Variants in FSTL4 observed in about 807,000 individuals in gnomAD.
FSTL4 encodes follistatin-related protein 4.
In FSTL4, 28 loss-of-function variants were observed where a neutral mutation model predicts 78.2. The observed-to-expected ratio is 0.36, with a 90% CI of 0.27 to 0.49. The LOEUF is 0.49. Ranked by LOEUF, FSTL4 falls within the 20% of genes least tolerant of loss-of-function variation. The pLI is 0.98. For missense variants in FSTL4, 922 were observed against 1,084.9 expected, an observed-to-expected ratio of 0.85 and a Z score of 2.11; for synonymous variants, 422 against 440.5, an observed-to-expected ratio of 0.96 and a Z score of 0.53.
intron 3 of FSTL4, chr5:133,427,497 G>A (rs1406977264): frequency 4.7e-6 from 2 of 421,602 alleles, no homozygotes; most frequent in Non-Finnish European, 1.0e-5. Flanking sequence ...GTGAGTGAGT[G>A]TGTGTTGCGG....
chr5:133,717,728 C>T, the FSTL4 span, among the ~76,000 whole-genome samples: 5 of 152,184 alleles, frequency 3.3e-5, no homozygotes, highest in Admixed American at 1.3e-4. Flanking sequence ...TTTTAAGTGT[C>T]GTCCATGTCA....
At chr5:133,799,064 T>G in the FSTL4 span, among the ~76,000 whole-genome samples, 189 of 111,178 alleles carry the variant, frequency 1.7e-3, no homozygotes, top group Admixed American at 2.1e-3. Context: ...GGAAAGGAGG[T>G]GGGGAGGAAA....
chr5:133,439,454 T>C (rs1478264207), intron 3 of FSTL4, among the ~76,000 whole-genome samples: 1 of 152,162 alleles, frequency 6.6e-6, no homozygotes, highest in Non-Finnish European at 1.5e-5. Context: ...AAATTTTTCA[T>C]TCTGTTGTTG....
chr5:133,807,010 C>A, the FSTL4 span, among the ~76,000 whole-genome samples: 1 of 152,036 alleles, frequency 6.6e-6, no homozygotes, highest in Non-Finnish European at 1.5e-5. Context: ...CTGTCAATCA[C>A]GCCCACATGC....
At chr5:133,309,378 A>G (rs1433152935) in intron 6 of FSTL4, among the ~76,000 whole-genome samples, 1 of 152,142 alleles carries the variant, frequency 6.6e-6, no homozygotes, top group Non-Finnish European at 1.5e-5. Context: ...AAGTGGGGGC[A>G]CCCTCATATT....
At chr5:133,449,596 G>A (rs535246213) in intron 3 of FSTL4, among the ~76,000 whole-genome samples, 4 of 152,322 alleles carry the variant, frequency 2.6e-5, no homozygotes, top group Admixed American at 2.0e-4. Flanking sequence ...GTGACTGAAA[G>A]GGCGGATTAC....
chr5:133,509,500 A>T (rs944376681), intron 3 of FSTL4, among the ~76,000 whole-genome samples: 36 of 152,186 alleles, frequency 2.4e-4, no homozygotes, highest in African/African-American at 8.7e-4. Context: ...CAGAGAAGCA[A>T]ATCACTCAGC....
intron 3 of FSTL4, among the ~76,000 whole-genome samples, chr5:133,434,105 G>A (rs1435152359): frequency 6.6e-6 from 1 of 152,048 alleles, no homozygotes; most frequent in East Asian, 1.9e-4. Flanking sequence ...GGGGAGGGAG[G>A]GAGACCAATG....
chr5:133,612,016 G>C lies in FSTL4; in HGVS notation c.-11+309C>G, dbSNP rs1761107988. ...CGAGCGCTTCTGCGTGGCGCCCCGC[G>C]TGCCAACCGGGTCACTCCGGTCCCC... On this transcript the variant is annotated intron_variant, in intron 1 of 15. Transcript: ENST00000265342. The surrounding 1 kb of genome is among the most constrained non-coding windows in gnomAD (Gnocchi z 6.2). Among the ~76,000 whole-genome samples, 1 of 151,988 alleles carries C rather than the reference G, an allele frequency of 6.6e-6. No homozygotes were observed. The highest frequency in any genetic ancestry group is 6.5e-5 in the Admixed American group (1 of 15,282).
At chr5:133,216,249 T>C (rs1242073088) in intron 13 of FSTL4, among the ~76,000 whole-genome samples, 1 of 152,226 alleles carries the variant, frequency 6.6e-6, no homozygotes, top group African/African-American at 2.4e-5. Context: ...CCCACTGCTG[T>C]TGTCATCTCT....
intron 2 of FSTL4, among the ~76,000 whole-genome samples, chr5:133,602,458 G>C (rs1760890116): frequency 6.6e-6 from 1 of 152,174 alleles, no homozygotes; most frequent in Non-Finnish European, 1.5e-5. Context: ...GAAATAAGTG[G>C]TTTAAAACAG....
chr5:133,622,385 G>A, the FSTL4 span, among the ~76,000 whole-genome samples: 1 of 151,922 alleles, frequency 6.6e-6, no homozygotes, highest in Admixed American at 6.6e-5. Context: ...TTCATTTTTT[G>A]GGATCTATGC....
At chr5:133,707,170 C>T in the FSTL4 span, among the ~76,000 whole-genome samples, 1 of 152,208 alleles carries the variant, frequency 6.6e-6, no homozygotes, top group African/African-American at 2.4e-5. Context: ...TGCTGCTCTC[C>T]CATTCCCTAA....
chr5:133,398,266 G>C (rs991619327), intron 4 of FSTL4, among the ~76,000 whole-genome samples: 1 of 152,178 alleles, frequency 6.6e-6, no homozygotes, highest in Admixed American at 6.5e-5. Flanking sequence ...AGGCAGCCCA[G>C]CTCTTCTGCC....
chr5:133,541,012 A>G (rs575136284), intron 3 of FSTL4, among the ~76,000 whole-genome samples: 216 of 152,178 alleles, frequency 1.4e-3, no homozygotes, highest in African/African-American at 4.7e-3. Context: ...AGCTTTCACC[A>G]GCAGTCTCAA....
At chr5:133,676,150 G>A in the FSTL4 span, among the ~76,000 whole-genome samples, 1 of 152,190 alleles carries the variant, frequency 6.6e-6, no homozygotes, top group African/African-American at 2.4e-5. Flanking sequence ...TGGGGTGGGA[G>A]GATTACTTTC....
At chr5:133,649,077 G>A in the FSTL4 span, among the ~76,000 whole-genome samples, 5 of 152,086 alleles carry the variant, frequency 3.3e-5, no homozygotes, top group African/African-American at 1.2e-4. Context: ...TGTCTCTATA[G>A]TTTTGCCTTT....
intron 7 of FSTL4, among the ~76,000 whole-genome samples, chr5:133,239,672 G>T (rs934734066): frequency 1.3e-5 from 2 of 152,126 alleles, no homozygotes; most frequent in African/African-American, 4.8e-5. Context: ...CTCAAGGTTT[G>T]TAAACCCACC....
At chr5:133,634,390 CTCT>C in the FSTL4 span, among the ~76,000 whole-genome samples, 38,903 of 149,632 alleles carry the variant, frequency 0.26, 5,715 homozygotes, top group Non-Finnish European at 0.32. Context: ...TTCTCTCTCT[CTCT>C]TTTTTTTTTT....
Sources: allele counts gnomAD v4.1 joint callset (sites outside exome capture counted in the v4.1 genomes callset), GRCh38; gene constraint gnomAD v4.1.1; non-coding constraint Gnocchi (gnomAD v3.1); transcripts MANE v1.5; gene names NCBI Gene and HGNC (gene_info 2026-07-23, HGNC 2026-07-21).